The following RBM5 variants were observed in gnomAD, a reference collection of about 807,000 sequenced individuals.
RBM5 encodes the protein RNA binding motif protein 5.
RBM5 carries 15 observed loss-of-function variants against 124.6 expected under a neutral mutation model. The ratio of observed to expected loss-of-function variants is 0.12; its 90% CI spans 0.08 to 0.19. The LOEUF (loss-of-function observed/expected upper bound fraction) is 0.19, where lower values mean the gene tolerates loss of function less well. Ranked by LOEUF, RBM5 falls within the 10% of genes least tolerant of loss-of-function variation. The pLI is 1.00. For synonymous variants in RBM5, 337 were observed against 361.2 expected, an observed-to-expected ratio of 0.93 and a Z score of 0.76; for missense variants, 580 against 1,026.5, an observed-to-expected ratio of 0.57 and a Z score of 5.94.
In RBM5 at chr3:50,108,137, A is replaced by G; in HGVS notation, c.1109A>G (p.Gln370Arg). 1 of 1,610,126 alleles carries G rather than the reference A, an allele frequency of 6.2e-7. No individual in the cohort carries two copies. The highest frequency in any genetic ancestry group is 8.5e-7 in the Non-Finnish European group (1 of 1,176,322). Residue 370 changes from glutamine (Q) to arginine (R), a missense_variant, in exon 13 of 25, where the codon CAA (glutamine) becomes CGA (arginine). Gln to Arg is a conservative substitution (Grantham distance 43). Around this residue, in one of 6 missense-constraint regions of RBM5, gnomAD observed 104 missense variants for 128.7 expected, o/e 0.81. Transcript: ENST00000347869. The stretch of plus-strand genomic sequence containing the variant: ...CAACCAGGTCAAGATGGCTATGCCC[A>G]ATATGCTCAGGTAGGTAGATTTTAG... ...YLQPGQDGYA[Q>R]YAQYSQDYQQ...
At chr3:50,091,376 A>G (rs1380278013) in intron 2 of RBM5, among the ~76,000 whole-genome samples, 1 of 152,174 alleles carries the variant, frequency 6.6e-6, no homozygotes, top group Non-Finnish European at 1.5e-5. Context: ...CAAAAGGTGT[A>G]TTTTATCTGT....
At position 50,100,276 on chromosome 3, in the gene RBM5, ACTC is replaced by A. The variant is rs1406177197; in HGVS notation, c.409+228_409+230del. The A allele has an allele frequency of 1.1e-5, 6 of 554,202 alleles. No homozygotes were observed. The highest frequency in any genetic ancestry group is 3.9e-5 in the African/African-American group (2 of 51,556). The allele number at this position is 554,202 out of a possible 1,614,324, so 34.3% of individuals were successfully genotyped here. Reference sequence around the variant, plus strand: ...TCCTTAGGTAAGTAATGATTTATAAACTCCTTTTTTTTTTTGACTATAGTCGGT... The same window carrying A: ...TCCTTAGGTAAGTAATGATTTATAAACTTTTTTTTTTTGACTATAGTCGGT... On this transcript the variant is annotated intron_variant, in intron 5 of 24. Transcript: ENST00000347869. The surrounding 1 kb of genome is among the most constrained non-coding windows in gnomAD (Gnocchi z 5.1).
intron 2 of RBM5, 73 bp downstream of exon 2, chr3:50,090,524 A>C: frequency 6.5e-7 from 1 of 1,544,972 alleles, no homozygotes; most frequent in Non-Finnish European, 8.9e-7. Context: ...AAAATAGTTT[A>C]TCAAACTAAT....
In RBM5 at chr3:50,100,079, ATTG is replaced by A; in HGVS notation, c.409+31_409+33del. 6.2e-7 allele frequency: 1 copy of A among 1,601,648 alleles called. No homozygotes were observed. ...GAGAGCTTGCTTAGTTCCTGATATT[ATTG>A]TTCTCTTCCCCATTCCCACCTCAGT... On this transcript the variant is annotated intron_variant, in intron 5 of 24. Coordinates refer to ENST00000347869, the MANE Select transcript of RBM5 (RefSeq NM_005778.4). This position sits in a 1 kb window ranked among gnomAD's most constrained non-coding sequence, Gnocchi z 5.1.
At position 50,104,327 on chromosome 3, in the gene RBM5, G is replaced by A. The variant is rs1317278453; in HGVS notation, c.628+19G>A. On this transcript the variant is annotated intron_variant, in intron 8 of 24. Transcript: ENST00000347869. ...AAGTTTGGTAAGACTGGATTCAGCTGTTTGCAATATGCATTAAAACCTACT... is the reference window on the plus strand; with the variant it reads ...AAGTTTGGTAAGACTGGATTCAGCTATTTGCAATATGCATTAAAACCTACT... 1.2e-6 allele frequency: 2 copies of A among 1,611,426 alleles called. No individual in the cohort carries two copies. Among genetic ancestry groups the A allele is most frequent in the African/African-American group, 2.7e-5 (2 of 74,814 alleles).
chr3:50,105,024 T>G (rs2091003140), intron 8 of RBM5, 53 bp from the exon 9 acceptor site: 1 of 1,271,874 alleles, frequency 7.9e-7, no homozygotes, highest in Non-Finnish European at 1.1e-6. Context: ...ATGTATTTCT[T>G]TGGTGAAAAT....
At chr3:50,116,456 T>C (rs1054123664) in intron 22 of RBM5, 2 of 174,154 alleles carry the variant, frequency 1.1e-5, no homozygotes, top group Non-Finnish European at 2.5e-5. Context: ...GGCAAGCAGT[T>C]AGTGCTGGTG....
At chr3:50,118,173 C>T in intron 24 of RBM5, 158 bp from the exon 25 acceptor site, 1 of 1,021,378 alleles carries the variant, frequency 9.8e-7, no homozygotes, top group Non-Finnish European at 1.4e-6. Flanking sequence ...AGTCCTTATA[C>T]TTGCTCCTGG....
intron 8 of RBM5, chr3:50,104,526 C>G: frequency 1.9e-6 from 1 of 513,354 alleles, no homozygotes; most frequent in Non-Finnish European, 3.5e-6. Flanking sequence ...ACCTGTAGTC[C>G]TAGCTACTCA....
At chr3:50,099,123 T>C (rs1362668648) in intron 4 of RBM5, among the ~76,000 whole-genome samples, 4 of 151,924 alleles carry the variant, frequency 2.6e-5, no homozygotes, top group Admixed American at 2.6e-4. Flanking sequence ...GGTGTGGTGG[T>C]GTGCATTTGT....
chr3:50,102,026 A>G (rs1447291864), intron 6 of RBM5: 1 of 152,216 alleles, frequency 6.6e-6, no homozygotes, highest in Non-Finnish European at 1.5e-5. Flanking sequence ...AATTCACAGC[A>G]TGTCTTAAAT....
rs569006601 is a variant in RBM5 at position 50,115,124 on chromosome 3, C to T, written c.1840-304C>T. ...TGGAGGTTGCAGTGAGCTGAGATTACGCCACTGCACTCCAGCCTGGGCAAC... is the reference window on the plus strand; with the variant it reads ...TGGAGGTTGCAGTGAGCTGAGATTATGCCACTGCACTCCAGCCTGGGCAAC... On this transcript the variant is annotated intron_variant, in intron 20 of 24. Transcript: ENST00000347869. The T allele has an allele frequency of 1.5e-3, 412 of 269,804 alleles. 1 individual carries two copies. Among genetic ancestry groups the T allele is most frequent in the Non-Finnish European group, 2.5e-3 (357 of 143,148 alleles). 16.7% of individuals were successfully genotyped at this position (269,804 alleles called of 1,614,324 possible). A position where few individuals can be genotyped will look rare whatever the true frequency, so the allele number is the denominator to read the frequency against.
chr3:50,091,885 G>T (rs2090709567), intron 2 of RBM5, 158 bp from the exon 3 acceptor site: 1 of 755,212 alleles, frequency 1.3e-6, no homozygotes, highest in Non-Finnish European at 2.3e-6. Flanking sequence ...TTTCCCAGTG[G>T]TTATCTTAGT....
At position 50,100,232 on chromosome 3, in the gene RBM5, T is replaced by A. The variant is rs569105758; in HGVS notation, c.409+181T>A. 276 of 634,730 alleles carry A rather than the reference T, an allele frequency of 4.3e-4. 1 individual carries two copies. Among genetic ancestry groups the A allele is most frequent in the Middle Eastern group, 1.8e-3 (7 of 3,882 alleles). 39.3% of individuals were successfully genotyped at this position (634,730 alleles called of 1,614,324 possible). ...GCATCTGAGGAACTTTTTTAAACTT[T>A]GTTTTAGGGACTTTTTTTTCCTTAG... On this transcript the variant is annotated intron_variant, in intron 5 of 24. Transcript: ENST00000347869. The surrounding 1 kb of genome is among the most constrained non-coding windows in gnomAD (Gnocchi z 5.1).
In RBM5 at chr3:50,117,508, C is replaced by T. The variant is rs1240646210; in HGVS notation, c.2322+129C>T. On this transcript the variant is annotated intron_variant, in intron 24 of 24. Coordinates refer to ENST00000347869, the MANE Select transcript of RBM5 (RefSeq NM_005778.4). This position sits in a 1 kb window ranked among gnomAD's most constrained non-coding sequence, Gnocchi z 4.2. Reference sequence around the variant, plus strand: ...TTAGCATGAAGGGGCAGATTACAGGCATGAGCTCACACCTGTAATCCCAGC... The same window carrying T: ...TTAGCATGAAGGGGCAGATTACAGGTATGAGCTCACACCTGTAATCCCAGC... The T allele has an allele frequency of 2.3e-6, 3 of 1,280,362 alleles. No individual in the cohort carries two copies. Among genetic ancestry groups the T allele is most frequent in the South Asian group, 1.4e-5 (1 of 71,904 alleles). 79.3% of individuals were successfully genotyped at this position (1,280,362 alleles called of 1,614,324 possible). A position where few individuals can be genotyped will look rare whatever the true frequency, so the allele number is the denominator to read the frequency against.
chr3:50,103,746 C>T (rs2090983789), intron 7 of RBM5, among the ~76,000 whole-genome samples: 1 of 152,196 alleles, frequency 6.6e-6, no homozygotes, highest in Admixed American at 6.5e-5. Context: ...CTAGAGCTCT[C>T]AGTTTTTGGC....
chr3:50,093,954 A>G (rs999019926), intron 4 of RBM5, 79 bp downstream of exon 4: 9 of 1,496,412 alleles, frequency 6.0e-6, no homozygotes, highest in Admixed American at 3.4e-5. Flanking sequence ...TTCTCATGCT[A>G]TTGTTTTATC....
rs1334363077 is a variant in RBM5, at chr3:50,100,636, T to A, written c.483+31T>A. The A allele has an allele frequency of 1.3e-6, 2 of 1,538,944 alleles. No homozygotes were observed. The highest frequency in any genetic ancestry group is 1.8e-6 in the Non-Finnish European group (2 of 1,112,280). ...TTCACTCACCAAGTCTAGATATTCA[T>A]GAAAATGGAACAAGTCTGTACAATT... On this transcript the variant is annotated intron_variant, in intron 6 of 24. Coordinates refer to ENST00000347869, the MANE Select transcript of RBM5 (RefSeq NM_005778.4). The surrounding 1 kb of genome is among the most constrained non-coding windows in gnomAD (Gnocchi z 5.1).
At chr3:50,106,915 A>C in intron 11 of RBM5, 51 bp downstream of exon 11, 2 of 1,401,446 alleles carry the variant, frequency 1.4e-6, no homozygotes, top group Non-Finnish European at 2.0e-6. Context: ...GCACATTTGT[A>C]CAGTGTGCTA....
Sources: gnomAD v4.1 joint callset for allele counts (sites outside exome capture counted in the v4.1 genomes callset) on GRCh38, gnomAD v4.1.1 for gene constraint, gnomAD v4.1.1 regional missense constraint, Gnocchi (gnomAD v3.1) non-coding constraint, MANE v1.5 for transcripts, NCBI Gene and HGNC (gene_info 2026-07-23, HGNC 2026-07-21) for gene names.